The following TSPAN5 variants were observed in gnomAD, a reference collection of about 807,000 sequenced individuals.
TSPAN5 encodes the protein tetraspanin 5.
A neutral mutation model predicts 37.1 loss-of-function variants in TSPAN5; 10 were observed. That is an observed-to-expected ratio of 0.27 (90% CI 0.17 to 0.46). The LOEUF (loss-of-function observed/expected upper bound fraction) is 0.46. Ranked by LOEUF, TSPAN5 falls within the 20% of genes least tolerant of loss-of-function variation. TSPAN5 has a pLI of 1.00. For synonymous variants in TSPAN5, 110 were observed against 118.9 expected (o/e 0.93, Z 0.48); for missense variants, 195 against 326.6 (o/e 0.60, Z 3.11).
At chr4:98,631,675 T>C (rs759890180) in intron 1 of TSPAN5, among the ~76,000 whole-genome samples, 27 of 152,204 alleles carry the variant, frequency 1.8e-4, no homozygotes, top group Non-Finnish European at 2.9e-4. Flanking sequence ...CTATAGGATC[T>C]GATAAAAATT....
intron 1 of TSPAN5, among the ~76,000 whole-genome samples, chr4:98,620,232 T>C (rs1305165337): frequency 6.6e-6 from 1 of 152,142 alleles, no homozygotes; most frequent in African/African-American, 2.4e-5. Context: ...AACCCTGAGC[T>C]ACCCTGTGAG....
intron 1 of TSPAN5, among the ~76,000 whole-genome samples, chr4:98,650,365 A>T (rs1757158198): frequency 6.6e-6 from 1 of 152,060 alleles, no homozygotes; most frequent in African/African-American, 2.4e-5. Flanking sequence ...CCATATGGGG[A>T]TGGGGGTGGT....
intron 1 of TSPAN5, among the ~76,000 whole-genome samples, chr4:98,540,528 G>A (rs554492557): frequency 5.3e-5 from 8 of 152,246 alleles, no homozygotes; most frequent in African/African-American, 1.7e-4. Flanking sequence ...AGTAGAGATG[G>A]GGTTTCGCCA....
At chr4:98,528,063 G>A (rs773377599) in intron 1 of TSPAN5, among the ~76,000 whole-genome samples, 6 of 152,174 alleles carry the variant, frequency 3.9e-5, no homozygotes, top group Non-Finnish European at 7.3e-5. Flanking sequence ...CCAACAGGCA[G>A]AGAGACCAGA....
intron 2 of TSPAN5, among the ~76,000 whole-genome samples, chr4:98,506,534 T>C (rs933746389): frequency 6.6e-6 from 1 of 152,218 alleles, no homozygotes; most frequent in Non-Finnish European, 1.5e-5. Flanking sequence ...TTGTTTTATA[T>C]GGTCTGTCTG....
chr4:98,651,315 A>T (rs567308843), intron 1 of TSPAN5, among the ~76,000 whole-genome samples: 1 of 152,380 alleles, frequency 6.6e-6, no homozygotes, highest in Non-Finnish European at 1.5e-5. Context: ...TATCAAGAGC[A>T]TGATAGTGAA....
chr4:98,529,555 C>T (rs1027066133), intron 1 of TSPAN5, among the ~76,000 whole-genome samples: 2 of 152,220 alleles, frequency 1.3e-5, no homozygotes, highest in Non-Finnish European at 2.9e-5. Flanking sequence ...TCGTCACTTT[C>T]CAACTGTGGA....
intron 1 of TSPAN5, among the ~76,000 whole-genome samples, chr4:98,585,229 G>A (rs1424610462): frequency 6.6e-6 from 1 of 152,140 alleles, no homozygotes; most frequent in Non-Finnish European, 1.5e-5. Context: ...CCCATTACCC[G>A]AATGGTGAAC....
At chr4:98,529,724 C>T (rs563348144) in intron 1 of TSPAN5, among the ~76,000 whole-genome samples, 2 of 152,318 alleles carry the variant, frequency 1.3e-5, no homozygotes, top group South Asian at 2.1e-4. Flanking sequence ...CTCCTCACTG[C>T]GTCTCAGAAC....
At chr4:98,571,507 T>G (rs1239888892) in intron 1 of TSPAN5, among the ~76,000 whole-genome samples, 1 of 148,520 alleles carries the variant, frequency 6.7e-6, no homozygotes, top group East Asian at 2.0e-4. Context: ...AAACAGTAAC[T>G]AAAAGCACTA....
In TSPAN5 at chr4:98,554,873, A is replaced by G. The variant is rs143810252; in HGVS notation, c.82-47145T>C. The stretch of plus-strand genomic sequence containing the variant: ...AAACAAGCTTTGAAAACAAATTTGC[A>G]TTCTATTTACCAAAGAATTCCATGT... On this transcript the variant is annotated intron_variant, in intron 1 of 7. Coordinates refer to ENST00000305798, the MANE Select transcript of TSPAN5 (RefSeq NM_005723.4). Among the ~76,000 whole-genome samples the G allele has an allele frequency of 8.5e-4, 129 of 152,340 alleles. 2 individuals are homozygous for G. The highest frequency in any genetic ancestry group is 1.5e-3 in the Non-Finnish European group (105 of 68,014).
At chr4:98,503,048 G>A (rs902699153) in intron 2 of TSPAN5, among the ~76,000 whole-genome samples, 6 of 151,946 alleles carry the variant, frequency 3.9e-5, no homozygotes, top group East Asian at 1.9e-4. Context: ...CAAGCTGGGC[G>A]GAATGGGGAA....
At chr4:98,625,852 AT>A (rs913989639) in intron 1 of TSPAN5, among the ~76,000 whole-genome samples, 9 of 151,294 alleles carry the variant, frequency 5.9e-5, no homozygotes, top group African/African-American at 2.2e-4. Flanking sequence ...AAAAAAAAAA[AT>A]CACTTTGCTT....
At chr4:98,581,463 C>T (rs1330389719) in intron 1 of TSPAN5, among the ~76,000 whole-genome samples, 4 of 152,168 alleles carry the variant, frequency 2.6e-5, no homozygotes, top group South Asian at 2.1e-4. Flanking sequence ...ACTTTCTAAA[C>T]GCCCCTGTCT....
At chr4:98,572,214 G>A (rs999890724) in intron 1 of TSPAN5, among the ~76,000 whole-genome samples, 1 of 152,012 alleles carries the variant, frequency 6.6e-6, no homozygotes, top group African/African-American at 2.4e-5. Flanking sequence ...CAAGTGATCC[G>A]CTGGTCTTGG....
intron 1 of TSPAN5, among the ~76,000 whole-genome samples, chr4:98,532,952 G>T (rs984564741): frequency 6.6e-6 from 1 of 152,128 alleles, no homozygotes; most frequent in Admixed American, 6.5e-5. Context: ...ATAATCATGC[G>T]GTTTTTGTCA....
chr4:98,495,999 T>C (rs1176152661), intron 2 of TSPAN5, among the ~76,000 whole-genome samples: 2 of 152,126 alleles, frequency 1.3e-5, no homozygotes, highest in Non-Finnish European at 2.9e-5. Context: ...CCCTTTGAGA[T>C]TTATGAGACT....
chr4:98,540,618 G>C (rs904557831), intron 1 of TSPAN5, among the ~76,000 whole-genome samples: 1 of 152,174 alleles, frequency 6.6e-6, no homozygotes, highest in African/African-American at 2.4e-5. Context: ...GATTACAGAC[G>C]TGAGCCACCG....
chr4:98,647,582 T>C lies in TSPAN5; in HGVS notation c.81+10564A>G, dbSNP rs549777953. Reference sequence around the variant, plus strand: ...GTAAAAAGAGCCCTATGCCTTCTAATACTTATCAAAATAGTAAATAGTAGC... The same window carrying C: ...GTAAAAAGAGCCCTATGCCTTCTAACACTTATCAAAATAGTAAATAGTAGC... On this transcript the variant is annotated intron_variant, in intron 1 of 7. Coordinates refer to ENST00000305798, the MANE Select transcript of TSPAN5 (RefSeq NM_005723.4). Among the ~76,000 whole-genome samples, 4 of 152,316 alleles carry C rather than the reference T, an allele frequency of 2.6e-5. No individual in the cohort carries two copies. The East Asian group carries it at 5.8e-4, about 22-fold the overall frequency.
Sources: gnomAD v4.1 joint callset for allele counts (sites outside exome capture counted in the v4.1 genomes callset) on GRCh38, gnomAD v4.1.1 for gene constraint, MANE v1.5 for transcripts, NCBI Gene and HGNC (gene_info 2026-07-23, HGNC 2026-07-21) for gene names.